The following MAN1A1 variants were observed in gnomAD, a reference collection of about 807,000 sequenced individuals.
MAN1A1 encodes mannosyl-oligosaccharide 1,2-alpha-mannosidase IA.
Under a neutral mutation model 70.8 loss-of-function variants are expected in MAN1A1, and 29 were observed. The observed-to-expected ratio is 0.41, with a 90% CI of 0.31 to 0.56. The LOEUF (loss-of-function observed/expected upper bound fraction) is 0.56, where lower values mean the gene tolerates loss of function less well. MAN1A1 is among the 20% of genes least tolerant of loss of function. MAN1A1 has a pLI of 0.29. For missense variants in MAN1A1, 747 were observed against 841.3 expected (o/e 0.89, Z 1.39); for synonymous variants, 349 against 330.1 (o/e 1.06, Z -0.62).
At chr6:119,316,580 A>C (rs1042459168) in intron 2 of MAN1A1, among the ~76,000 whole-genome samples, 1 of 152,138 alleles carries the variant, frequency 6.6e-6, no homozygotes, top group Non-Finnish European at 1.5e-5. Context: ...CTAATCTCAA[A>C]AGTTTTTTTT....
At chr6:119,311,566 A>T (rs557144672) in intron 2 of MAN1A1, among the ~76,000 whole-genome samples, 3 of 152,170 alleles carry the variant, frequency 2.0e-5, no homozygotes, top group African/African-American at 7.2e-5. Context: ...TCTGGGAAAA[A>T]GACAGGACCA....
chr6:119,196,273 G>A (rs773758904), intron 8 of MAN1A1, among the ~76,000 whole-genome samples: 28 of 151,808 alleles, frequency 1.8e-4, no homozygotes, highest in Admixed American at 8.5e-4. Context: ...ATTAATTTTG[G>A]TAAGTGCTAG....
At chr6:119,279,272 C>T (rs1314664396) in intron 5 of MAN1A1, among the ~76,000 whole-genome samples, 1 of 152,192 alleles carries the variant, frequency 6.6e-6, no homozygotes, top group African/African-American at 2.4e-5. Context: ...CCACTACTCA[C>T]CTGCCTTTTT....
Position 119,349,014 on chromosome 6 carries a change from G to A in MAN1A1, c.52C>T (p.Leu18=). 2 of 1,380,800 alleles carry A rather than the reference G, an allele frequency of 1.4e-6. No individual in the cohort carries two copies. The highest frequency in any genetic ancestry group is 3.6e-5 in the South Asian group (2 of 55,984). 85.5% of individuals were successfully genotyped at this position (1,380,800 alleles called of 1,614,324 possible). The part of the protein sequence containing the change: ...PLFSSPAGGV[L]GGGLGGGGGR... ...CCGCCGCCGCCGAGCCCCCCGCCCA[G>A]GACGCCGCCCGCGGGGCTGCTGAAG... Residue 18 remains leucine (L), a synonymous_variant, in exon 2 of 13, where the codon CTG becomes TTG. Transcript: ENST00000368468.
intron 6 of MAN1A1, among the ~76,000 whole-genome samples, chr6:119,222,431 A>G (rs978715292): frequency 9.3e-5 from 14 of 151,112 alleles, no homozygotes; most frequent in Non-Finnish European, 1.8e-4. Context: ...GGCTCAAGCA[A>G]TCCTCCTACC....
At chr6:119,321,157 G>A (rs1451619598) in intron 2 of MAN1A1, among the ~76,000 whole-genome samples, 3 of 152,152 alleles carry the variant, frequency 2.0e-5, no homozygotes, top group Non-Finnish European at 4.4e-5. Context: ...GTAACTACAT[G>A]AAATCTTATT....
intron 6 of MAN1A1, among the ~76,000 whole-genome samples, chr6:119,241,942 GTA>G (rs548558274): frequency 0.13 from 10,992 of 86,594 alleles, 638 homozygotes; most frequent in African/African-American, 0.24. Flanking sequence ...GTGTGTGTGT[GTA>G]TGTATGTGTG....
intron 2 of MAN1A1, among the ~76,000 whole-genome samples, chr6:119,331,110 T>G (rs935497647): frequency 6.6e-6 from 1 of 152,164 alleles, no homozygotes; most frequent in Non-Finnish European, 1.5e-5. Context: ...AAAAAATTAT[T>G]TGGGTTTGAA....
intron 6 of MAN1A1, among the ~76,000 whole-genome samples, chr6:119,238,936 G>C (rs917508150): frequency 5.3e-5 from 8 of 151,956 alleles, no homozygotes; most frequent in Non-Finnish European, 1.0e-4. Flanking sequence ...TGTCGCCCAG[G>C]CTGGAGTGCA....
intron 5 of MAN1A1, among the ~76,000 whole-genome samples, chr6:119,261,508 C>A (rs185300578): frequency 2.8e-4 from 42 of 152,272 alleles, no homozygotes; most frequent in African/African-American, 1.0e-3. Context: ...CATAATAACA[C>A]TTGTTTTTGA....
intron 7 of MAN1A1, among the ~76,000 whole-genome samples, chr6:119,204,083 C>T (rs944447354): frequency 6.6e-6 from 1 of 152,056 alleles, no homozygotes; most frequent in Non-Finnish European, 1.5e-5. Context: ...ACATGCCAAG[C>T]GCGAAGTGTA....
intron 4 of MAN1A1, 107 bp from the exon 5 acceptor site, chr6:119,290,870 C>A (rs931986078): frequency 2.8e-6 from 2 of 702,270 alleles, no homozygotes; most frequent in Non-Finnish European, 4.8e-6. Flanking sequence ...TTATGCTTGC[C>A]CAGAGAAGTT....
intron 9 of MAN1A1, among the ~76,000 whole-genome samples, chr6:119,190,101 C>T (rs2114933140): frequency 6.6e-6 from 1 of 152,298 alleles, no homozygotes; most frequent in Non-Finnish European, 1.5e-5. Context: ...ACTGCTGCGC[C>T]AGCACATTTG....
In MAN1A1 at chr6:119,348,796, G is replaced by T; in HGVS notation, c.270C>A (p.Pro90=). 1 of 1,425,958 alleles carries T rather than the reference G, an allele frequency of 7.0e-7. No homozygotes were observed. Among genetic ancestry groups the T allele is most frequent in the Non-Finnish European group, 9.2e-7 (1 of 1,086,208 alleles). 88.3% of individuals were successfully genotyped at this position (1,425,958 alleles called of 1,614,324 possible). A position where few individuals can be genotyped will look rare whatever the true frequency, so the allele number is the denominator to read the frequency against. Residue 90 remains proline, a synonymous_variant, in exon 2 of 13, where the codon CCC becomes CCA. Coordinates refer to ENST00000368468, the MANE Select transcript of MAN1A1 (RefSeq NM_005907.4). ...CGGCCGCGTCCTCGGCGCGCGCCCC[G>T]GGCCCGGGCTTGTGGTCGGCGGCCG... is the stretch of plus-strand genomic sequence containing the variant. ...LQPAADHKPG[P]GARAEDAAEG...
chr6:119,192,950 G>C (rs559888073), intron 9 of MAN1A1, among the ~76,000 whole-genome samples: 43 of 152,246 alleles, frequency 2.8e-4, no homozygotes, highest in African/African-American at 9.4e-4. Context: ...ACTTTAAGTA[G>C]TTTCTAACTT....
At chr6:119,349,455 T>G (rs1243927087) in intron 1 of MAN1A1, 87 bp downstream of exon 1, 9 of 925,792 alleles carry the variant, frequency 9.7e-6, no homozygotes, top group African/African-American at 1.8e-5. Flanking sequence ...TGGGGTGAAG[T>G]TATCAGGTCC....
At chr6:119,313,971 G>C (rs536548350) in intron 2 of MAN1A1, among the ~76,000 whole-genome samples, 5 of 151,998 alleles carry the variant, frequency 3.3e-5, no homozygotes, top group African/African-American at 4.8e-5. Context: ...CGCTGGCTAA[G>C]GGTTAAAAAA....
chr6:119,296,296 G>T (rs977806987), intron 4 of MAN1A1, among the ~76,000 whole-genome samples: 9 of 152,086 alleles, frequency 5.9e-5, no homozygotes, highest in African/African-American at 1.9e-4. Context: ...TACCATGCAG[G>T]TCCAGAGGCT....
chr6:119,277,790 A>G (rs1776110973), intron 5 of MAN1A1, among the ~76,000 whole-genome samples: 1 of 151,712 alleles, frequency 6.6e-6, no homozygotes, highest in African/African-American at 2.4e-5. Flanking sequence ...ACAACAAATT[A>G]GCCGGGCGTG....
Sources: gnomAD v4.1 joint callset for allele counts (sites outside exome capture counted in the v4.1 genomes callset) on GRCh38, gnomAD v4.1.1 for gene constraint, MANE v1.5 for transcripts, NCBI Gene and HGNC (gene_info 2026-07-23, HGNC 2026-07-21) for gene names.